The following MYO3B variants were observed in gnomAD, a reference collection of about 807,000 sequenced individuals.
MYO3B encodes myosin IIIB.
MYO3B carries 156 observed loss-of-function variants against 174.6 expected under a neutral mutation model. That is an observed-to-expected ratio of 0.89 (90% CI 0.78 to 1.02). The LOEUF is 1.02. Ranked by LOEUF, MYO3B falls within the 50% of genes least tolerant of loss-of-function variation. The pLI, the probability that MYO3B is intolerant of heterozygous loss-of-function variation, is 0.00. For synonymous variants in MYO3B, 563 were observed against 569.1 expected (o/e 0.99, Z 0.15); for missense variants, 1,632 against 1,639.4 (o/e 1.00, Z 0.08).
intron 25 of MYO3B, among the ~76,000 whole-genome samples, chr2:170,467,606 A>G (rs1168485515): frequency 2.0e-5 from 3 of 152,096 alleles, no homozygotes; most frequent in Non-Finnish European, 4.4e-5. Flanking sequence ...TGTATGCCTG[A>G]CAAAGACAAG....
chr2:170,377,718 T>A (rs2094305337), intron 9 of MYO3B, among the ~76,000 whole-genome samples: 1 of 152,144 alleles, frequency 6.6e-6, no homozygotes, highest in African/African-American at 2.4e-5. Context: ...GCCAACATAC[T>A]TACAAACTCA....
At chr2:170,322,745 G>C (rs562099898) in intron 7 of MYO3B, among the ~76,000 whole-genome samples, 12 of 152,212 alleles carry the variant, frequency 7.9e-5, no homozygotes, top group Non-Finnish European at 1.3e-4. Flanking sequence ...AATGGAGCCT[G>C]TCAGCCTATG....
At chr2:170,493,673 G>A (rs150342441) in intron 25 of MYO3B, among the ~76,000 whole-genome samples, 23 of 152,238 alleles carry the variant, frequency 1.5e-4, no homozygotes, top group East Asian at 3.9e-4. Flanking sequence ...AGAAATGAGC[G>A]TATGTCATTT....
At chr2:170,226,728 T>C (rs539613650) in intron 6 of MYO3B, among the ~76,000 whole-genome samples, 1 of 152,258 alleles carries the variant, frequency 6.6e-6, no homozygotes, top group East Asian at 1.9e-4. Flanking sequence ...TGCAGAAGCA[T>C]GTGAGGCCCA....
chr2:170,237,751 G>T (rs983801809), intron 7 of MYO3B, among the ~76,000 whole-genome samples: 1 of 152,154 alleles, frequency 6.6e-6, no homozygotes, highest in Non-Finnish European at 1.5e-5. Flanking sequence ...CAAGAATTGG[G>T]CAATTGTTAG....
At chr2:170,314,957 G>C (rs2093764635) in intron 7 of MYO3B, among the ~76,000 whole-genome samples, 1 of 152,140 alleles carries the variant, frequency 6.6e-6, no homozygotes, top group Non-Finnish European at 1.5e-5. Context: ...TATTTCATTT[G>C]GCAACAGTCA....
chr2:170,336,383 A>G (rs1170228889), intron 8 of MYO3B, among the ~76,000 whole-genome samples: 1 of 152,168 alleles, frequency 6.6e-6, no homozygotes. Flanking sequence ...GTGCAAACTT[A>G]GCTTTCACAA....
rs369907125 is a variant in MYO3B, at chr2:170,386,181, T to A, written c.1291-8T>A. On this transcript the variant is annotated splice_polypyrimidine_tract_variant and splice_region_variant and intron_variant, in intron 12 of 34. Transcript: ENST00000408978. ...ATTCTTCACTTGACGCTCCATTTTC[T>A]GTGCCAGTGCATTGTCATCAGCGGA... 2 of 1,612,828 alleles carry A rather than the reference T, an allele frequency of 1.2e-6. No homozygotes were observed. The highest frequency in any genetic ancestry group is 8.5e-7 in the Non-Finnish European group (1 of 1,179,228).
intron 6 of MYO3B, among the ~76,000 whole-genome samples, chr2:170,217,721 A>T (rs1451797285): frequency 1.3e-5 from 2 of 152,226 alleles, no homozygotes; most frequent in African/African-American, 4.8e-5. Context: ...TTCCCTGGAT[A>T]CATGCAGCCC....
chr2:170,485,142 T>C lies in MYO3B; in HGVS notation c.3015-13450T>C, dbSNP rs540477284. The stretch of plus-strand genomic sequence containing the variant: ...TTAGATGCAAGTAATATTGATCAAA[T>C]TTGTATAGTCACGATTCTTTGACCA... On this transcript the variant is annotated intron_variant, in intron 25 of 34. Coordinates refer to ENST00000408978, the MANE Select transcript of MYO3B (RefSeq NM_138995.5). Among the ~76,000 whole-genome samples the C allele has an allele frequency of 2.6e-5, 4 of 152,236 alleles. No homozygotes were observed. The East Asian group carries it at 7.7e-4, about 29-fold the overall frequency.
chr2:170,213,752 GAA>G (rs2092798232), intron 3 of MYO3B, among the ~76,000 whole-genome samples: 1 of 152,202 alleles, frequency 6.6e-6, no homozygotes, highest in Non-Finnish European at 1.5e-5. Flanking sequence ...AAAAAAGAGA[GAA>G]GAGCATAAAG....
intron 8 of MYO3B, among the ~76,000 whole-genome samples, chr2:170,361,906 T>G (rs2094164393): frequency 6.6e-6 from 1 of 152,202 alleles, no homozygotes; most frequent in African/African-American, 2.4e-5. Flanking sequence ...CCACATCTCC[T>G]TCCCTAAGAA....
At chr2:170,474,757 A>AGG (rs2105992253) in intron 25 of MYO3B, among the ~76,000 whole-genome samples, 1 of 73,224 alleles carries the variant, frequency 1.4e-5, no homozygotes, top group Non-Finnish European at 3.0e-5. Context: ...AAAAAAAAAA[A>AGG]AAAAAAAAAA....
rs1400439693 is a variant in MYO3B at position 170,485,418 on chromosome 2, CACAG to C, written c.3015-13172_3015-13169del. 9.9e-3 allele frequency among the ~76,000 whole-genome samples: 1,299 copies of C among 130,646 alleles called. 7 individuals carry two copies. The highest frequency in any genetic ancestry group is 0.015 in the Middle Eastern group (4 of 260). The allele number at this position is 130,646 out of a possible 152,430, so 85.7% of individuals were successfully genotyped here. On this transcript the variant is annotated intron_variant, in intron 25 of 34. Coordinates refer to ENST00000408978, the MANE Select transcript of MYO3B (RefSeq NM_138995.5). The stretch of plus-strand genomic sequence containing the variant: ...ACACACACACACACACACACACACA[CACAG>C]AGAGAGAGAGAGAGAGAGAGAGCGA...
At position 170,212,229 on chromosome 2, in the gene MYO3B, G is replaced by A. The variant is rs376765420; in HGVS notation, c.322-2150G>A. Among the ~76,000 whole-genome samples the A allele has an allele frequency of 4.2e-5, 6 of 141,894 alleles. No homozygotes were observed. The East Asian group carries it at 1.0e-3, about 25-fold the overall frequency. The allele number at this position is 141,894 out of a possible 152,430, so 93.1% of individuals were successfully genotyped here. A position where few individuals can be genotyped will look rare whatever the true frequency, so the allele number is the denominator to read the frequency against. On this transcript the variant is annotated intron_variant, in intron 3 of 34. Coordinates refer to ENST00000408978, the MANE Select transcript of MYO3B (RefSeq NM_138995.5). ...CTGCACTCCAGCCTGGGCAAAAACA[G>A]TGAAACTCCCTCTCAAAAAAAAAAA...
intron 7 of MYO3B, among the ~76,000 whole-genome samples, chr2:170,307,134 T>C (rs56068899): frequency 0.03 from 4,562 of 151,644 alleles, 117 homozygotes; most frequent in East Asian, 0.12. Context: ...TCCTAACTAC[T>C]TTGGAGGCTA....
chr2:170,393,337 G>T (rs1420461066), intron 16 of MYO3B, among the ~76,000 whole-genome samples: 1 of 151,974 alleles, frequency 6.6e-6, no homozygotes, highest in East Asian at 1.9e-4. Context: ...ACCTGCCTCA[G>T]CCTCCCAAAG....
At chr2:170,515,135 T>C in intron 29 of MYO3B, 113 bp downstream of exon 29, 1 of 836,554 alleles carries the variant, frequency 1.2e-6, no homozygotes, top group Non-Finnish European at 1.8e-6. Context: ...CCACCACTCC[T>C]TCTTTTTTCT....
chr2:170,587,218 A>G (rs1214198091), intron 32 of MYO3B, among the ~76,000 whole-genome samples: 2 of 152,238 alleles, frequency 1.3e-5, no homozygotes, highest in Non-Finnish European at 2.9e-5. Flanking sequence ...TTTTATTATT[A>G]TGCCTTCTAC....
Sources: allele counts gnomAD v4.1 joint callset (sites outside exome capture counted in the v4.1 genomes callset), GRCh38; gene constraint gnomAD v4.1.1; transcripts MANE v1.5; gene names NCBI Gene and HGNC (gene_info 2026-07-23, HGNC 2026-07-21).